The following SETBP1 variants were observed in gnomAD, a reference collection of about 807,000 sequenced individuals.
SETBP1 encodes the protein SET binding protein 1.
In SETBP1, 9 loss-of-function variants were observed where a neutral mutation model predicts 101.0. The ratio of observed to expected loss-of-function variants is 0.09; its 90% CI spans 0.05 to 0.16. The LOEUF is 0.16. Ranked by LOEUF, SETBP1 falls within the 10% of genes least tolerant of loss-of-function variation. The probability of loss-of-function intolerance (pLI) is 1.00; values close to 1 mark genes in which losing one functional copy is unlikely to be tolerated. For missense variants in SETBP1, 1,858 were observed against 2,033.8 expected, an observed-to-expected ratio of 0.91 and a Z score of 1.66; for synonymous variants, 818 against 788.5, an observed-to-expected ratio of 1.04 and a Z score of -0.63.
In SETBP1 at chr18:44,755,221, A is replaced by G. The variant is rs561630586; in HGVS notation, c.486+53389A>G. ...GAAATTCAGTGATTAAAAAAGTTTT[A>G]CAGATGCTTGTGTGATGGTTAATAT... On this transcript the variant is annotated intron_variant, in intron 2 of 5. Coordinates refer to ENST00000649279, the MANE Select transcript of SETBP1 (RefSeq NM_015559.3). Among the ~76,000 whole-genome samples, 3 of 152,378 alleles carry G rather than the reference A, an allele frequency of 2.0e-5. No homozygotes were observed. The South Asian group carries it at 6.2e-4, about 32-fold the overall frequency.
At chr18:44,680,725 G>C (rs887974825), upstream of SETBP1, among the ~76,000 whole-genome samples, 1 of 151,956 alleles carries the variant, frequency 6.6e-6, no homozygotes, top group Admixed American at 6.6e-5. Flanking sequence ...ATTGAGTTTC[G>C]CCTAATCTGA....
At chr18:44,816,597 A>T (rs2071983813) in intron 2 of SETBP1, among the ~76,000 whole-genome samples, 1 of 152,164 alleles carries the variant, frequency 6.6e-6, no homozygotes, top group South Asian at 2.1e-4. Context: ...TGCACACCAG[A>T]GCATCAGCAA....
intron 3 of SETBP1, among the ~76,000 whole-genome samples, chr18:44,940,634 T>G (rs1222607733): frequency 6.6e-6 from 1 of 152,216 alleles, no homozygotes; most frequent in African/African-American, 2.4e-5. Context: ...AGATTACGAA[T>G]GTATACCTCT....
At chr18:44,907,710 A>G (rs1311971116) in intron 3 of SETBP1, among the ~76,000 whole-genome samples, 4 of 152,044 alleles carry the variant, frequency 2.6e-5, no homozygotes, top group Non-Finnish European at 5.9e-5. Flanking sequence ...TTGTCTTTTT[A>G]TTGTTGTATA....
chr18:44,987,198 A>G (rs1423037082), intron 4 of SETBP1: 1 of 152,162 alleles, frequency 6.6e-6, no homozygotes, highest in East Asian at 1.9e-4. Context: ...GACCACTAAC[A>G]TATATGTGGT....
At chr18:44,781,008 G>A (rs2071118836) in intron 2 of SETBP1, among the ~76,000 whole-genome samples, 1 of 152,172 alleles carries the variant, frequency 6.6e-6, no homozygotes, top group Non-Finnish European at 1.5e-5. Context: ...GGTAAATCCA[G>A]TGCTTTGGGG....
Position 44,974,944 on chromosome 18 carries a change from A to G in SETBP1, c.4000+21604A>G, listed in dbSNP as rs2156603. ...AGTGATTCTTTTTAAACACTAGGTT[A>G]TTGTTCTTTTGCCCTTTGTGAACAT... On this transcript the variant is annotated intron_variant, in intron 4 of 5. Transcript: ENST00000649279. Among the ~76,000 whole-genome samples, 567 of 152,290 alleles carry G rather than the reference A, an allele frequency of 3.7e-3. 1 individual carries two copies. Among genetic ancestry groups the G allele is most frequent in the South Asian group, 9.1e-3 (44 of 4,822 alleles).
intron 2 of SETBP1, among the ~76,000 whole-genome samples, chr18:44,745,959 T>G (rs1468899696): frequency 6.6e-6 from 1 of 152,070 alleles, no homozygotes; most frequent in Non-Finnish European, 1.5e-5. Flanking sequence ...CCTTCCTTGA[T>G]CTGGAAGGCA....
intron 2 of SETBP1, among the ~76,000 whole-genome samples, chr18:44,811,840 C>T (rs927865061): frequency 2.0e-5 from 3 of 152,196 alleles, no homozygotes; most frequent in African/African-American, 7.2e-5. Context: ...CCATAGAGAT[C>T]AGAATTCTTG....
At chr18:44,807,683 C>G (rs1048506997) in intron 2 of SETBP1, among the ~76,000 whole-genome samples, 1 of 152,158 alleles carries the variant, frequency 6.6e-6, no homozygotes, top group African/African-American at 2.4e-5. Context: ...TGTAAGGGAA[C>G]TAGTAGGATC....
chr18:44,895,258 A>G (rs1271143102), intron 3 of SETBP1, among the ~76,000 whole-genome samples: 5 of 38,804 alleles, frequency 1.3e-4, no homozygotes, highest in African/African-American at 2.2e-4. Context: ...GGGAGGGAGG[A>G]AGGAAGGGGG....
At chr18:45,049,243 G>A (rs2073680878) in intron 5 of SETBP1, among the ~76,000 whole-genome samples, 1 of 152,136 alleles carries the variant, frequency 6.6e-6, no homozygotes, top group African/African-American at 2.4e-5. Context: ...ACTGAATTAG[G>A]TAAGCAGACA....
chr18:45,035,506 T>C (rs1400658253), intron 4 of SETBP1, among the ~76,000 whole-genome samples: 1 of 152,234 alleles, frequency 6.6e-6, no homozygotes, highest in East Asian at 1.9e-4. Context: ...TTGGATCAAC[T>C]CTAATGAATT....
At chr18:44,781,500 T>TC (rs1225090927) in intron 2 of SETBP1, among the ~76,000 whole-genome samples, 1 of 140,974 alleles carries the variant, frequency 7.1e-6, no homozygotes, top group African/African-American at 2.6e-5. Flanking sequence ...TCTCTCCCTC[T>TC]CCCCCCCACC....
At chr18:44,738,788 A>G (rs961353088) in intron 2 of SETBP1, among the ~76,000 whole-genome samples, 25 of 151,858 alleles carry the variant, frequency 1.6e-4, no homozygotes, top group Non-Finnish European at 2.4e-4. Flanking sequence ...AAAAAAAAAA[A>G]AAAGAAAAAA....
At chr18:44,772,358 G>A (rs1035187771) in intron 2 of SETBP1, among the ~76,000 whole-genome samples, 1 of 152,100 alleles carries the variant, frequency 6.6e-6, no homozygotes, top group Non-Finnish European at 1.5e-5. Context: ...AAAACACCTC[G>A]AGGACCCACA....
At chr18:45,058,764 G>A (rs2073847761) in intron 5 of SETBP1, among the ~76,000 whole-genome samples, 1 of 152,214 alleles carries the variant, frequency 6.6e-6, no homozygotes, top group East Asian at 1.9e-4. Context: ...GCAAAAGAAC[G>A]AGGGATACTA....
chr18:44,921,017 A>G (rs574871911), intron 3 of SETBP1, among the ~76,000 whole-genome samples: 5 of 152,336 alleles, frequency 3.3e-5, no homozygotes, highest in African/African-American at 1.2e-4. Context: ...AGTCTTTATC[A>G]TTAACTACCT....
intron 4 of SETBP1, among the ~76,000 whole-genome samples, chr18:44,989,635 C>T (rs556340563): frequency 2.6e-4 from 39 of 151,582 alleles, no homozygotes; most frequent in South Asian, 1.7e-3. Flanking sequence ...AATTATCTGC[C>T]GAGGCGGGCG....
Sources: gnomAD v4.1 joint callset for allele counts (sites outside exome capture counted in the v4.1 genomes callset) on GRCh38, gnomAD v4.1.1 for gene constraint, MANE v1.5 for transcripts, NCBI Gene and HGNC (gene_info 2026-07-23, HGNC 2026-07-21) for gene names.